Variants in HNF1B observed in about 807,000 individuals in gnomAD.
HNF1B encodes HNF1 homeobox B.
A neutral mutation model predicts 61.7 loss-of-function variants in HNF1B; 8 were observed. The observed-to-expected ratio is 0.13, with a 90% CI of 0.08 to 0.23. The LOEUF (loss-of-function observed/expected upper bound fraction) is 0.23, where lower values mean the gene tolerates loss of function less well. HNF1B is among the 10% of genes least tolerant of loss of function. The pLI, the probability that HNF1B is intolerant of heterozygous loss-of-function variation, is 1.00. For synonymous variants in HNF1B, 314 were observed against 287.7 expected, an observed-to-expected ratio of 1.09 and a Z score of -0.93; for missense variants, 562 against 714.5, an observed-to-expected ratio of 0.79 and a Z score of 2.43.
At chr17:37,744,426 G>A in intron 1 of HNF1B, 115 bp downstream of exon 1, 1 of 1,062,822 alleles carries the variant, frequency 9.4e-7, no homozygotes. Context: ...CCCCCCGGGG[G>A]ACTTCTCTGG....
At chr17:37,687,417 G>A (rs1442753223) in intron 8 of HNF1B, 25 bp from the exon 9 acceptor site, 2 of 1,561,774 alleles carry the variant, frequency 1.3e-6, no homozygotes, top group Non-Finnish European at 1.8e-6. Flanking sequence ...GAGAGAGGGT[G>A]CTCAGCTGTG....
intron 4 of HNF1B, among the ~76,000 whole-genome samples, chr17:37,719,391 G>A (rs1285774985): frequency 6.6e-6 from 1 of 152,174 alleles, no homozygotes; most frequent in Non-Finnish European, 1.5e-5. Flanking sequence ...GGGGCTACTG[G>A]GTTGATTTGG....
chr17:37,690,720 G>A (rs2147417354), intron 8 of HNF1B, among the ~76,000 whole-genome samples: 1 of 152,298 alleles, frequency 6.6e-6, no homozygotes, highest in Admixed American at 6.5e-5. Flanking sequence ...AGCCCATGGG[G>A]GAAGCAATTT....
In HNF1B at chr17:37,705,019, C is replaced by G. The variant is rs778319071; in HGVS notation, c.1237G>C (p.Val413Leu). 2 of 1,614,080 alleles carry G rather than the reference C, an allele frequency of 1.2e-6. No homozygotes were observed. Among genetic ancestry groups the G allele is most frequent in the Non-Finnish European group, 1.7e-6 (2 of 1,179,990 alleles). Residue 413 changes from valine to leucine, a missense_variant, in exon 6 of 9, where the codon GTC becomes CTC. Physicochemically the swap from Val to Leu is conservative, Grantham distance 32 (BLOSUM62 1). This residue lies in a region of HNF1B where 211 missense variants were observed against 200.7 expected (regional missense o/e 1.05). Coordinates refer to ENST00000617811, the MANE Select transcript of HNF1B (RefSeq NM_000458.4). ...ISVSGGGLPP[V>L]STLTNIHSLS... ...CTGTGGATATTCGTCAAGGTGCTGA[C>G]TGGGGGCAAACCTCCTCCTGAGACT... is the stretch of plus-strand genomic sequence containing the variant.
chr17:37,688,380 A>ACACACACACAC (rs2032055093), intron 8 of HNF1B, among the ~76,000 whole-genome samples: 1 of 136,102 alleles, frequency 7.3e-6, no homozygotes, highest in African/African-American at 2.8e-5. Context: ...GATCCCCCCA[A>ACACACACACAC]ACACACACAC....
chr17:37,729,418 G>A (rs1262180403), intron 4 of HNF1B: 1 of 143,334 alleles, frequency 7.0e-6, no homozygotes, highest in Non-Finnish European at 1.5e-5. Flanking sequence ...GGGTGACAGA[G>A]GTAGACCCTG....
At position 37,739,528 on chromosome 17, in the gene HNF1B, C is replaced by T. The variant is rs1472907965; in HGVS notation, c.456G>A (p.Gln152=). ...TCATAGGGGTGCCCTTGTTGAGATG[C>T]TGGGAGAGGTGCGACTGGTTCAGGC... ...VTGLNQSHLS[Q]HLNKGTPMKT... is the part of the protein sequence containing the mutation. The change falls in exon 2 of 9, where the codon CAG becomes CAA. Residue 152 remains glutamine (Q), a synonymous_variant. Transcript: ENST00000617811. 1.2e-6 allele frequency: 2 copies of T among 1,614,112 alleles called. No homozygotes were observed. Among genetic ancestry groups the T allele is most frequent in the Admixed American group, 1.7e-5 (1 of 60,014 alleles).
At chr17:37,737,162 C>G (rs553920514) in intron 2 of HNF1B, among the ~76,000 whole-genome samples, 3 of 152,316 alleles carry the variant, frequency 2.0e-5, no homozygotes, top group African/African-American at 7.2e-5. Context: ...CTTCTCCTCA[C>G]CCCATTCACT....
chr17:37,688,267 C>T (rs745384316), intron 8 of HNF1B, among the ~76,000 whole-genome samples: 26 of 152,038 alleles, frequency 1.7e-4, no homozygotes, highest in Non-Finnish European at 3.4e-4. Context: ...CTTTCCTTTT[C>T]ACTTCTGGGG....
intron 1 of HNF1B, 105 bp from the exon 2 acceptor site, chr17:37,739,744 T>A (rs566318655): frequency 1.4e-4 from 157 of 1,091,696 alleles, no homozygotes; most frequent in Middle Eastern, 4.3e-4. Flanking sequence ...TTCTGAATTT[T>A]CCCCCCATCT....
intron 8 of HNF1B, among the ~76,000 whole-genome samples, chr17:37,688,430 T>TAC (rs2032064707): frequency 8.0e-6 from 1 of 125,606 alleles, no homozygotes; most frequent in Non-Finnish European, 1.7e-5. Flanking sequence ...CACTTACACC[T>TAC]ACCAATACCA....
chr17:37,714,796 C>A (rs991804473), intron 4 of HNF1B, among the ~76,000 whole-genome samples: 1 of 152,142 alleles, frequency 6.6e-6, no homozygotes, highest in Admixed American at 6.5e-5. Flanking sequence ...CCTTGCTCTG[C>A]CTTCCTGTGC....
chr17:37,720,778 G>T, intron 4 of HNF1B: 1 of 985,228 alleles, frequency 1.0e-6, no homozygotes, highest in South Asian at 4.7e-5. Context: ...CTGCCACTCA[G>T]AATACATACA....
intron 4 of HNF1B, among the ~76,000 whole-genome samples, chr17:37,724,174 A>G (rs1054147810): frequency 2.6e-5 from 4 of 152,198 alleles, no homozygotes; most frequent in African/African-American, 7.2e-5. Context: ...AACTTGTTGA[A>G]AATGCAGAAA....
At chr17:37,738,684 A>G (rs556026606) in intron 2 of HNF1B, among the ~76,000 whole-genome samples, 1 of 152,372 alleles carries the variant, frequency 6.6e-6, no homozygotes, top group East Asian at 1.9e-4. Flanking sequence ...ACGTACTTCA[A>G]AACAAAAACC....
At chr17:37,708,281 C>A (rs532271821) in intron 5 of HNF1B, among the ~76,000 whole-genome samples, 49 of 152,316 alleles carry the variant, frequency 3.2e-4, no homozygotes, top group African/African-American at 1.2e-3. Flanking sequence ...TGACACAGCA[C>A]ATGCACTAGG....
intron 8 of HNF1B, among the ~76,000 whole-genome samples, 170 bp downstream of exon 8, chr17:37,698,906 T>C (rs1381174219): frequency 1.4e-4 from 8 of 56,580 alleles, no homozygotes; most frequent in Non-Finnish European, 2.0e-4. Context: ...TTTCAGCCTG[T>C]GGCCCTTTTT....
At chr17:37,708,618 A>T (rs768166675) in intron 5 of HNF1B, among the ~76,000 whole-genome samples, 12 of 152,338 alleles carry the variant, frequency 7.9e-5, no homozygotes, top group South Asian at 2.1e-4. Flanking sequence ...TTCTCCATGG[A>T]AGCCTGGGTA....
At chr17:37,704,292 C>T (rs1483276338) in intron 6 of HNF1B, among the ~76,000 whole-genome samples, 1 of 152,208 alleles carries the variant, frequency 6.6e-6, no homozygotes, top group Non-Finnish European at 1.5e-5. Context: ...TCCGTGTCTT[C>T]AGGCGTGTGA....
Sources: gnomAD v4.1 joint callset for allele counts (sites outside exome capture counted in the v4.1 genomes callset) on GRCh38, gnomAD v4.1.1 for gene constraint, gnomAD v4.1.1 regional missense constraint, MANE v1.5 for transcripts, NCBI Gene and HGNC (gene_info 2026-07-23, HGNC 2026-07-21) for gene names.